SLC7A11: variants seen among roughly 807,000 people sequenced by gnomAD.
SLC7A11 encodes cystine/glutamate transporter.
A neutral mutation model predicts 54.5 loss-of-function variants in SLC7A11; 35 were observed. That is an observed-to-expected ratio of 0.64 (90% CI 0.49 to 0.85). The LOEUF (loss-of-function observed/expected upper bound fraction) is 0.85. SLC7A11 is among the 40% of genes least tolerant of loss of function. The pLI, the probability that SLC7A11 is intolerant of heterozygous loss-of-function variation, is 0.00. For synonymous variants in SLC7A11, 230 were observed against 225.2 expected (o/e 1.02, Z -0.19); for missense variants, 583 against 618.1 (o/e 0.94, Z 0.60).
intron 6 of SLC7A11, among the ~76,000 whole-genome samples, chr4:138,209,709 G>A (rs1292765255): frequency 6.6e-6 from 1 of 152,030 alleles, no homozygotes; most frequent in East Asian, 1.9e-4. Context: ...TCTCTGCAAG[G>A]AGAGCTATAA....
At chr4:138,186,814 T>G (rs1455444995) in intron 6 of SLC7A11, among the ~76,000 whole-genome samples, 1 of 152,142 alleles carries the variant, frequency 6.6e-6, no homozygotes, top group Non-Finnish European at 1.5e-5. Flanking sequence ...AACATGAAGG[T>G]GTATACACAG....
intron 4 of SLC7A11, among the ~76,000 whole-genome samples, chr4:138,219,758 C>T (rs970017435): frequency 1.6e-4 from 25 of 152,018 alleles, no homozygotes; most frequent in Admixed American, 2.0e-4. Flanking sequence ...CAAGAAAATG[C>T]GGAGAGGTAT....
chr4:138,199,448 A>C (rs1737222214), intron 6 of SLC7A11, among the ~76,000 whole-genome samples: 1 of 152,166 alleles, frequency 6.6e-6, no homozygotes, highest in Non-Finnish European at 1.5e-5. Context: ...CATTTGACTA[A>C]ATGGATCATC....
chr4:138,241,287 C>A (rs1455872266), intron 1 of SLC7A11, among the ~76,000 whole-genome samples: 2 of 152,158 alleles, frequency 1.3e-5, no homozygotes, highest in Non-Finnish European at 2.9e-5. Context: ...TAAGAGGTGA[C>A]AAGCACATGA....
intron 6 of SLC7A11, among the ~76,000 whole-genome samples, chr4:138,192,914 A>G (rs1737044041): frequency 6.6e-6 from 1 of 152,166 alleles, no homozygotes; most frequent in South Asian, 2.1e-4. Context: ...GACTCATAAT[A>G]AGACAAGCAA....
chr4:138,173,285 A>T (rs1736482397), intron 11 of SLC7A11, among the ~76,000 whole-genome samples: 1 of 152,036 alleles, frequency 6.6e-6, no homozygotes, highest in Non-Finnish European at 1.5e-5. Context: ...CTCCTCATTC[A>T]TGGCTTGTTA....
intron 4 of SLC7A11, among the ~76,000 whole-genome samples, chr4:138,221,233 G>A (rs1737801956): frequency 6.6e-6 from 1 of 152,140 alleles, no homozygotes; most frequent in Non-Finnish European, 1.5e-5. Context: ...GAGGCATTTT[G>A]TTTCTAGAAT....
intron 6 of SLC7A11, among the ~76,000 whole-genome samples, chr4:138,206,175 T>C (rs554263030): frequency 1.6e-4 from 24 of 151,986 alleles, no homozygotes; most frequent in Admixed American, 1.2e-3. Context: ...CCCTCTAATT[T>C]TGAAATTCTG....
In SLC7A11 at chr4:138,241,937, T is replaced by C; in HGVS notation, c.133A>G (p.Thr45Ala). Residue 45 changes from threonine to alanine, a missense_variant, in exon 1 of 12, where the codon ACT becomes GCT. Transcript: ENST00000280612. ...ATAATGGAGACTCCCCTCAGTAAAG[T>C]GACTTTCCTCTTCAGCTGCACTTTC... is the stretch of plus-strand genomic sequence containing the variant. ...QEKVQLKRKV[T>A]LLRGVSIIIG... The C allele has an allele frequency of 6.2e-7, 1 of 1,614,048 alleles. No homozygotes were observed. The highest frequency in any genetic ancestry group is 8.5e-7 in the Non-Finnish European group (1 of 1,180,000).
rs1342212534 is a variant in SLC7A11 at position 138,167,618 on chromosome 4, TA to T, written c.*4337del. 6.6e-6 allele frequency: 1 copy of T among 152,204 alleles called. No homozygotes were observed. The highest frequency in any genetic ancestry group is 1.5e-5 in the Non-Finnish European group (1 of 68,034). 9.4% of individuals were successfully genotyped at this position (152,204 alleles called of 1,614,324 possible). ...TTATTTTGCCCATATACAAGTAATG[TA>T]AACAGAGGCTATCAAGGTGACCCAT... On this transcript the variant is annotated 3_prime_UTR_variant, in exon 12 of 12. Coordinates refer to ENST00000280612, the MANE Select transcript of SLC7A11 (RefSeq NM_014331.4).
intron 6 of SLC7A11, among the ~76,000 whole-genome samples, chr4:138,189,817 T>C (rs1301533081): frequency 2.0e-5 from 3 of 152,172 alleles, no homozygotes; most frequent in African/African-American, 7.2e-5. Context: ...TCGCTAAAAG[T>C]GATCCTTGCT....
chr4:138,229,569 T>G (rs565219130), intron 3 of SLC7A11, among the ~76,000 whole-genome samples: 3 of 152,226 alleles, frequency 2.0e-5, no homozygotes, highest in African/African-American at 7.2e-5. Flanking sequence ...TCAGGCTCCT[T>G]GTTAACTATT....
At chr4:138,208,874 G>A (rs562727257) in intron 6 of SLC7A11, among the ~76,000 whole-genome samples, 2 of 152,172 alleles carry the variant, frequency 1.3e-5, no homozygotes, top group South Asian at 4.1e-4. Flanking sequence ...TATTCTTGGA[G>A]AAGAAAACAT....
intron 11 of SLC7A11, among the ~76,000 whole-genome samples, chr4:138,173,865 T>A (rs919894414): frequency 2.0e-5 from 3 of 152,096 alleles, no homozygotes; most frequent in Admixed American, 2.0e-4. Flanking sequence ...AAGCCCATAT[T>A]TTCAGAAAAG....
Position 138,185,120 on chromosome 4 carries a change from C to T in SLC7A11, c.915+1G>A. The T allele has an allele frequency of 6.2e-7, 1 of 1,612,622 alleles. No individual in the cohort carries two copies. The highest frequency in any genetic ancestry group is 8.5e-7 in the Non-Finnish European group (1 of 1,179,012). ...TTGGCATTTTCCCAACTTGGACTTACCACTGCCACTGCATTTGAAAGCAGC... is the reference window on the plus strand; with the variant it reads ...TTGGCATTTTCCCAACTTGGACTTATCACTGCCACTGCATTTGAAAGCAGC... On this transcript the variant is annotated splice_donor_variant, in intron 7 of 11. Transcript: ENST00000280612. LOFTEE classifies it high-confidence loss of function.
chr4:138,187,461 C>T (rs992254600), intron 6 of SLC7A11, among the ~76,000 whole-genome samples: 1 of 152,100 alleles, frequency 6.6e-6, no homozygotes, highest in Non-Finnish European at 1.5e-5. Context: ...GCTTAAATAA[C>T]TATTTAAGGA....
Position 138,232,289 on chromosome 4 carries a change from C to T in SLC7A11, c.498G>A (p.Lys166=), listed in dbSNP as rs1459745496. 1 of 1,610,756 alleles carries T rather than the reference C, an allele frequency of 6.2e-7. No individual in the cohort carries two copies. The highest frequency in any genetic ancestry group is 8.5e-7 in the Non-Finnish European group (1 of 1,176,998). Residue 166 remains lysine (K), a synonymous_variant, in exon 3 of 12, where the codon AAG becomes AAA. Transcript: ENST00000280612. ...CACTTATGCCCACAGCTGTAATGAG[C>T]TTGATCGCAAGTTCAGGGATTTCAC... ...IQCEIPELAI[K]LITAVGITVV...
chr4:138,181,661 G>A (rs1736746483), intron 9 of SLC7A11, among the ~76,000 whole-genome samples: 1 of 152,102 alleles, frequency 6.6e-6, no homozygotes, highest in African/African-American at 2.4e-5. Context: ...AAAATCATCA[G>A]TAAAAATGAA....
At chr4:138,187,198 C>T (rs1236000191) in intron 6 of SLC7A11, among the ~76,000 whole-genome samples, 1 of 152,124 alleles carries the variant, frequency 6.6e-6, no homozygotes, top group Non-Finnish European at 1.5e-5. Flanking sequence ...CTAGACATTA[C>T]AGTCTCTCTG....
Sources: allele counts gnomAD v4.1 joint callset (sites outside exome capture counted in the v4.1 genomes callset), GRCh38; gene constraint gnomAD v4.1.1; transcripts MANE v1.5; gene names NCBI Gene and HGNC (gene_info 2026-07-23, HGNC 2026-07-21).